Variants in SLC25A17 observed in about 807,000 individuals in gnomAD.
The protein encoded by SLC25A17 is solute carrier family 25 member 17.
SLC25A17 carries 26 observed loss-of-function variants against 38.5 expected under a neutral mutation model. The ratio of observed to expected loss-of-function variants is 0.68; its 90% CI spans 0.50 to 0.94. The LOEUF (loss-of-function observed/expected upper bound fraction) is 0.94, where lower values mean the gene tolerates loss of function less well. SLC25A17 is among the 40% of genes least tolerant of loss of function. The pLI, the probability that SLC25A17 is intolerant of heterozygous loss-of-function variation, is 0.00. For missense variants in SLC25A17, 333 were observed against 372.7 expected (o/e 0.89, Z 0.88); for synonymous variants, 139 against 136.2 (o/e 1.02, Z -0.14).
intron 4 of SLC25A17, among the ~76,000 whole-genome samples, chr22:40,782,221 AAACAACAACAAC>A (rs57313774): frequency 6.7e-6 from 1 of 149,894 alleles, no homozygotes. Context: ...CCCCATCTCA[AAACAACAACAAC>A]AACAACAACA....
At chr22:40,797,532 G>C (rs1478424125) in intron 2 of SLC25A17, among the ~76,000 whole-genome samples, 1 of 152,064 alleles carries the variant, frequency 6.6e-6, no homozygotes, top group Non-Finnish European at 1.5e-5. Flanking sequence ...AAGTCATATG[G>C]CTTCTTAGAA....
intron 2 of SLC25A17, chr22:40,797,360 C>G (rs2057440135): frequency 2.4e-6 from 3 of 1,273,146 alleles, no homozygotes; most frequent in Non-Finnish European, 3.1e-6. Context: ...AAGCAAGAAT[C>G]ACAGTGAGTT....
At chr22:40,805,159 A>C (rs999517559) in intron 1 of SLC25A17, among the ~76,000 whole-genome samples, 2 of 152,162 alleles carry the variant, frequency 1.3e-5, no homozygotes, top group African/African-American at 2.4e-5. Context: ...AAACGGTGAA[A>C]TCCTATCTCT....
chr22:40,784,001 G>A (rs1211976459), intron 4 of SLC25A17, among the ~76,000 whole-genome samples: 1 of 151,966 alleles, frequency 6.6e-6, no homozygotes, highest in Non-Finnish European at 1.5e-5. Flanking sequence ...CACCGCGCCC[G>A]GCCAATGGTA....
rs140879743 is a variant in SLC25A17 at position 40,770,851 on chromosome 22, G to C, written c.907C>G (p.Arg303Gly). The part of the protein sequence containing the change: ...AATFTVMGLK[R>G]AHQH Reference sequence around the variant, plus strand: ...AAGGCGTCTCAGTGTTGGTGTGCACGCTTCAGCCCCATAACTGTGAAGGTG... The same window carrying C: ...AAGGCGTCTCAGTGTTGGTGTGCACCCTTCAGCCCCATAACTGTGAAGGTG... The change falls in exon 9 of 9, where the codon CGT (arginine) becomes GGT (glycine). Residue 303 changes from arginine (R) to glycine (G), a missense_variant. Physicochemically the swap from Arg to Gly is moderately radical, Grantham distance 125. Transcript: ENST00000435456. 1 of 1,610,710 alleles carries C rather than the reference G, an allele frequency of 6.2e-7. No individual in the cohort carries two copies. Among genetic ancestry groups the C allele is most frequent in the East Asian group, 2.2e-5 (1 of 44,778 alleles).
At chr22:40,800,380 C>CA (rs575599812) in intron 1 of SLC25A17, among the ~76,000 whole-genome samples, 11 of 151,936 alleles carry the variant, frequency 7.2e-5, no homozygotes, top group African/African-American at 2.7e-4. Flanking sequence ...ATAATGGTTA[C>CA]AAAAAAAATT....
At chr22:40,787,192 G>A (rs1472373221) in intron 4 of SLC25A17, among the ~76,000 whole-genome samples, 2 of 151,046 alleles carry the variant, frequency 1.3e-5, no homozygotes, top group African/African-American at 4.9e-5. Context: ...AGGGATGAAT[G>A]GGAGTTAATA....
chr22:40,786,705 T>TG (rs1274283446), intron 4 of SLC25A17, among the ~76,000 whole-genome samples: 1 of 152,224 alleles, frequency 6.6e-6, no homozygotes, highest in Non-Finnish European at 1.5e-5. Flanking sequence ...AATCCACAGA[T>TG]GTGGAACCCA....
intron 1 of SLC25A17, among the ~76,000 whole-genome samples, chr22:40,804,310 G>A (rs901537388): frequency 1.3e-5 from 2 of 152,084 alleles, no homozygotes; most frequent in Non-Finnish European, 2.9e-5. Flanking sequence ...CTTGGGGCTC[G>A]CTGGTACCTA....
At chr22:40,803,916 C>T (rs577654416) in intron 1 of SLC25A17, among the ~76,000 whole-genome samples, 1 of 151,876 alleles carries the variant, frequency 6.6e-6, no homozygotes, top group East Asian at 1.9e-4. Flanking sequence ...TCCAGCTGAG[C>T]CATCTGAGGT....
Position 40,798,720 on chromosome 22 carries a change from C to A in SLC25A17, c.115+303G>T, listed in dbSNP as rs1315242136. 4.8e-5 allele frequency among the ~76,000 whole-genome samples: 7 copies of A among 144,704 alleles called. No individual in the cohort carries two copies. The South Asian group carries it at 1.3e-3, about 27-fold the overall frequency. 94.9% of individuals were successfully genotyped at this position (144,704 alleles called of 152,430 possible). ...TGGTGGCTCATCCCTGTAATCCCAG[C>A]ACTTTGGGAGGCCAAGGCAGGAGAT... On this transcript the variant is annotated intron_variant, in intron 2 of 8. Transcript: ENST00000435456.
Position 40,789,043 on chromosome 22 carries a change from T to G in SLC25A17, c.334+3482A>C, listed in dbSNP as rs1304195309. The stretch of plus-strand genomic sequence containing the variant: ...CTTCTTCGTATTCTCATAGTATGGG[T>G]TCCATCCTATGCTCACCACCATCTT... On this transcript the variant is annotated intron_variant, in intron 4 of 8. Coordinates refer to ENST00000435456, the MANE Select transcript of SLC25A17 (RefSeq NM_006358.4). The surrounding 1 kb of genome is among the most constrained non-coding windows in gnomAD (Gnocchi z 4.5). 1 of 298,946 alleles carries G rather than the reference T, an allele frequency of 3.3e-6. No homozygotes were observed. The highest frequency in any genetic ancestry group is 4.4e-5 in the South Asian group (1 of 22,812). The allele number at this position is 298,946 out of a possible 1,614,324, so 18.5% of individuals were successfully genotyped here.
intron 2 of SLC25A17, chr22:40,798,282 G>A (rs966880289): frequency 6.6e-6 from 1 of 152,518 alleles, no homozygotes; most frequent in Non-Finnish European, 1.5e-5. Context: ...GGCAAATTGA[G>A]TCCACAGAGC....
In SLC25A17 at chr22:40,789,661, C is replaced by G. The variant is rs541358534; in HGVS notation, c.334+2864G>C. On this transcript the variant is annotated intron_variant, in intron 4 of 8. Coordinates refer to ENST00000435456, the MANE Select transcript of SLC25A17 (RefSeq NM_006358.4). The surrounding 1 kb of genome is among the most constrained non-coding windows in gnomAD (Gnocchi z 4.5). ...AGGTGGAATTACAGGCACCTGCTAC[C>G]ACACCTGGCTAATTTTTTGTATTTT... Among the ~76,000 whole-genome samples, 1 of 152,086 alleles carries G rather than the reference C, an allele frequency of 6.6e-6. No homozygotes were observed. The highest frequency in any genetic ancestry group is 2.1e-4 in the South Asian group (1 of 4,798).
Position 40,789,187 on chromosome 22 carries a change from G to A in SLC25A17, c.334+3338C>T. 4.1e-6 allele frequency: 1 copy of A among 245,100 alleles called. No individual in the cohort carries two copies. The highest frequency in any genetic ancestry group is 8.2e-6 in the Non-Finnish European group (1 of 121,224). The allele number at this position is 245,100 out of a possible 1,614,324, so 15.2% of individuals were successfully genotyped here. ...AGCTGTGGGGGATGCCCAGCTGCTT[G>A]TAGCCACGGCCGAAGCCCCATACCA... On this transcript the variant is annotated intron_variant, in intron 4 of 8. Transcript: ENST00000435456. The surrounding 1 kb of genome is among the most constrained non-coding windows in gnomAD (Gnocchi z 4.5).
chr22:40,805,534 A>AGG (rs1328861297), intron 1 of SLC25A17, among the ~76,000 whole-genome samples: 1 of 152,232 alleles, frequency 6.6e-6, no homozygotes, highest in Non-Finnish European at 1.5e-5. Context: ...ACACATGTCC[A>AGG]ACCTTTTAGG....
intron 1 of SLC25A17, among the ~76,000 whole-genome samples, chr22:40,804,352 T>G (rs533366317): frequency 1.3e-5 from 2 of 152,102 alleles, no homozygotes; most frequent in African/African-American, 4.8e-5. Flanking sequence ...AGGGCCCCTG[T>G]GAAGGAATGG....
Position 40,770,745 on chromosome 22 carries a change from G to A in SLC25A17, c.*89C>T, listed in dbSNP as rs149685261. On this transcript the variant is annotated 3_prime_UTR_variant, in exon 9 of 9. Transcript: ENST00000435456. ...AATGAGGGTAACATTTGTGGTGGCA[G>A]GAGCCAGAGTCAAGGGAGAATCACT... is the stretch of plus-strand genomic sequence containing the variant. The A allele has an allele frequency of 4.4e-6, 6 of 1,373,862 alleles. No individual in the cohort carries two copies. The highest frequency in any genetic ancestry group is 5.9e-6 in the Non-Finnish European group (6 of 1,018,606). 85.1% of individuals were successfully genotyped at this position (1,373,862 alleles called of 1,614,324 possible). A position where few individuals can be genotyped will look rare whatever the true frequency, so the allele number is the denominator to read the frequency against.
chr22:40,799,113 A>T (rs565576910), intron 1 of SLC25A17, 30 bp from the exon 2 acceptor site: 2 of 1,581,138 alleles, frequency 1.3e-6, no homozygotes, highest in African/African-American at 1.3e-5. Flanking sequence ...CCATTACAGC[A>T]TCACAAACAT....
Sources: gnomAD v4.1 joint callset for allele counts (sites outside exome capture counted in the v4.1 genomes callset) on GRCh38, gnomAD v4.1.1 for gene constraint, Gnocchi (gnomAD v3.1) non-coding constraint, MANE v1.5 for transcripts, NCBI Gene and HGNC (gene_info 2026-07-23, HGNC 2026-07-21) for gene names.